Variants in TMEM117 observed in about 807,000 individuals in gnomAD.
The protein encoded by TMEM117 is transmembrane protein 117.
In TMEM117, 27 loss-of-function variants were observed where a neutral mutation model predicts 52.4. The ratio of observed to expected loss-of-function variants is 0.51; its 90% CI spans 0.38 to 0.71. The LOEUF (loss-of-function observed/expected upper bound fraction) is 0.71, where lower values mean the gene tolerates loss of function less well. TMEM117 is among the 30% of genes least tolerant of loss of function. TMEM117 has a pLI of 0.00. For missense variants in TMEM117, 556 were observed against 630.5 expected (o/e 0.88, Z 1.26); for synonymous variants, 215 against 206.3 (o/e 1.04, Z -0.36).
At chr12:44,216,301 C>G (rs368151948) in intron 5 of TMEM117, among the ~76,000 whole-genome samples, 13 of 152,138 alleles carry the variant, frequency 8.5e-5, no homozygotes, top group Admixed American at 5.2e-4. Context: ...CCACCACTCT[C>G]AGCCAAAAGG....
At chr12:44,152,829 ATAT>A (rs1948771887) in intron 4 of TMEM117, among the ~76,000 whole-genome samples, 1 of 144,360 alleles carries the variant, frequency 6.9e-6, no homozygotes, top group Non-Finnish European at 1.5e-5. Flanking sequence ...TATAATGTAT[ATAT>A]TGTATTTATA....
At chr12:44,283,782 A>G (rs1950605265) in intron 5 of TMEM117, among the ~76,000 whole-genome samples, 1 of 152,094 alleles carries the variant, frequency 6.6e-6, no homozygotes, top group Non-Finnish European at 1.5e-5. Context: ...GATTTAGAGG[A>G]GCCACGGGCG....
chr12:43,862,984 A>G lies in TMEM117; in HGVS notation c.277+18056A>G, dbSNP rs1246738020. On this transcript the variant is annotated intron_variant, in intron 2 of 7. Coordinates refer to ENST00000266534, the MANE Select transcript of TMEM117 (RefSeq NM_032256.3). ...CTGTCTCAAACTGAAAAACAAACAA[A>G]CAAAAAAACCAAGAAAAACAAAAAC... Among the ~76,000 whole-genome samples the G allele has an allele frequency of 3.4e-5, 5 of 148,466 alleles. No individual in the cohort carries two copies. In the East Asian group the frequency reaches 8.2e-4, roughly 24 times the overall value.
At chr12:43,940,114 C>G (rs1284997602) in intron 2 of TMEM117, among the ~76,000 whole-genome samples, 1 of 152,164 alleles carries the variant, frequency 6.6e-6, no homozygotes, top group Non-Finnish European at 1.5e-5. Flanking sequence ...CCCTTGATAC[C>G]TTGGCCTTGA....
chr12:43,995,254 CT>C (rs1050574314), intron 3 of TMEM117, among the ~76,000 whole-genome samples: 13 of 144,436 alleles, frequency 9.0e-5, no homozygotes, highest in African/African-American at 1.6e-4. Flanking sequence ...AAGGCTCTGT[CT>C]TAAAAAAAAA....
At chr12:43,834,790 A>G (rs1943004686), upstream of TMEM117, among the ~76,000 whole-genome samples, 1 of 152,212 alleles carries the variant, frequency 6.6e-6, no homozygotes, top group Non-Finnish European at 1.5e-5. Flanking sequence ...ATATTTATAT[A>G]TATCCATATA....
intron 5 of TMEM117, among the ~76,000 whole-genome samples, chr12:44,252,272 G>A (rs1950205292): frequency 2.0e-5 from 3 of 152,148 alleles, no homozygotes. Context: ...TTGGGAGGCC[G>A]AGGTAGGCGG....
In TMEM117 at chr12:44,355,115, C is replaced by A. The variant is rs188681313; in HGVS notation, c.769-21480C>A. ...CCAAAGGCTAAGGTAGCTAAACTTT[C>A]ATGCATGATGTTGTAAAAATTAAAT... On this transcript the variant is annotated intron_variant, in intron 6 of 7. Transcript: ENST00000266534. 3.6e-4 allele frequency among the ~76,000 whole-genome samples: 54 copies of A among 152,102 alleles called. 1 individual carries two copies. In the East Asian group the frequency reaches 0.01, roughly 29 times the overall value.
chr12:43,994,039 G>T (rs1037501733), intron 3 of TMEM117, among the ~76,000 whole-genome samples: 12 of 152,116 alleles, frequency 7.9e-5, no homozygotes, highest in Non-Finnish European at 1.8e-4. Flanking sequence ...GTTTTCATGA[G>T]AATGGAGATG....
chr12:44,176,926 T>TG lies in TMEM117; in HGVS notation c.510+33303dup, dbSNP rs1565861208. Among the ~76,000 whole-genome samples the TG allele has an allele frequency of 2.0e-5, 3 of 152,114 alleles. No individual in the cohort carries two copies. The East Asian group carries it at 5.8e-4, about 29-fold the overall frequency. On this transcript the variant is annotated intron_variant, in intron 4 of 7. Coordinates refer to ENST00000266534, the MANE Select transcript of TMEM117 (RefSeq NM_032256.3). ...GTAACAGTGTTAAGAATATAAAAAA[T>TG]GAAGTTTGGTACAGTATTATATCAT...
At chr12:44,259,688 A>G (rs911635697) in intron 5 of TMEM117, among the ~76,000 whole-genome samples, 2 of 152,192 alleles carry the variant, frequency 1.3e-5, no homozygotes, top group African/African-American at 4.8e-5. Context: ...ATGCATCCTT[A>G]TTGTTATAAT....
At chr12:44,078,250 A>G (rs948776162) in intron 3 of TMEM117, among the ~76,000 whole-genome samples, 1 of 152,260 alleles carries the variant, frequency 6.6e-6, no homozygotes, top group African/African-American at 2.4e-5. Context: ...GCAGAGAGAT[A>G]TGCCAACGAC....
At chr12:43,944,450 T>C in intron 3 of TMEM117, 108 bp downstream of exon 3, 2 of 1,051,504 alleles carry the variant, frequency 1.9e-6, no homozygotes, top group Non-Finnish European at 2.7e-6. Context: ...ACAAATATTC[T>C]ACCCTAAGAA....
At chr12:44,259,151 C>A (rs931769607) in intron 5 of TMEM117, among the ~76,000 whole-genome samples, 15 of 152,108 alleles carry the variant, frequency 9.9e-5, no homozygotes, top group African/African-American at 3.6e-4. Flanking sequence ...GGAGGTACAG[C>A]AGCTCCGCTA....
At chr12:43,920,977 C>A (rs1944684303) in intron 2 of TMEM117, among the ~76,000 whole-genome samples, 1 of 152,134 alleles carries the variant, frequency 6.6e-6, no homozygotes, top group South Asian at 2.1e-4. Context: ...GTGCTTTCCA[C>A]TTCTACGCTT....
At chr12:44,044,710 G>A (rs923335102) in intron 3 of TMEM117, among the ~76,000 whole-genome samples, 4 of 151,190 alleles carry the variant, frequency 2.6e-5, no homozygotes, top group African/African-American at 9.9e-5. Context: ...TGATACACAG[G>A]CACCAACTGA....
chr12:44,338,702 A>G (rs1266488209), intron 6 of TMEM117, among the ~76,000 whole-genome samples: 1 of 152,120 alleles, frequency 6.6e-6, no homozygotes, highest in East Asian at 1.9e-4. Flanking sequence ...AGATATATTT[A>G]TACACACACA....
chr12:44,289,766 A>G (rs961296855), intron 5 of TMEM117, among the ~76,000 whole-genome samples: 3 of 151,752 alleles, frequency 2.0e-5, no homozygotes, highest in Non-Finnish European at 4.4e-5. Context: ...GTTGGCCAGG[A>G]TGGTCTCAAA....
At chr12:43,986,579 T>C (rs1450148091) in intron 3 of TMEM117, among the ~76,000 whole-genome samples, 1 of 152,196 alleles carries the variant, frequency 6.6e-6, no homozygotes, top group African/African-American at 2.4e-5. Context: ...TTTTCATTTG[T>C]CTTCCTTAGA....
Sources: gnomAD v4.1 joint callset for allele counts (sites outside exome capture counted in the v4.1 genomes callset) on GRCh38, gnomAD v4.1.1 for gene constraint, MANE v1.5 for transcripts, NCBI Gene and HGNC (gene_info 2026-07-23, HGNC 2026-07-21) for gene names.